Variants in KYNU observed in about 807,000 individuals in gnomAD.
The protein encoded by KYNU is L-kynurenine hydrolase.
Under a neutral mutation model 59.2 loss-of-function variants are expected in KYNU, and 54 were observed. The ratio of observed to expected loss-of-function variants is 0.91; its 90% CI spans 0.73 to 1.14. KYNU has a LOEUF of 1.14. Among genes scored for constraint, KYNU ranks in the 50% most tolerant of loss-of-function variants. The pLI is 0.00. For missense variants in KYNU, 567 were observed against 554.4 expected, an observed-to-expected ratio of 1.02 and a Z score of -0.23; for synonymous variants, 177 against 192.0, an observed-to-expected ratio of 0.92 and a Z score of 0.65.
At chr2:143,007,313 G>A (rs921550545) in intron 10 of KYNU, among the ~76,000 whole-genome samples, 4 of 150,520 alleles carry the variant, frequency 2.7e-5, no homozygotes, top group African/African-American at 7.5e-5. Flanking sequence ...ATCAGCGATG[G>A]AAGATGAAAT....
rs1424604721 is a variant in KYNU at position 143,010,136 on chromosome 2, T to C, written c.903-19491T>C. 2.8e-5 allele frequency among the ~76,000 whole-genome samples: 4 copies of C among 140,936 alleles called. 1 individual carries two copies. Among genetic ancestry groups the C allele is most frequent in the Non-Finnish European group, 3.0e-5 (2 of 65,954 alleles). The allele number at this position is 140,936 out of a possible 152,430, so 92.5% of individuals were successfully genotyped here. On this transcript the variant is annotated intron_variant, in intron 10 of 13. Transcript: ENST00000264170. Reference sequence around the variant, plus strand: ...AAGTCAAATTGTCCCTGTTTGCAGATGACATGATTCTATATCTAGAAAACC... The same window carrying C: ...AAGTCAAATTGTCCCTGTTTGCAGACGACATGATTCTATATCTAGAAAACC...
intron 2 of KYNU, among the ~76,000 whole-genome samples, chr2:142,891,963 A>C (rs1179069189): frequency 1.3e-5 from 2 of 151,622 alleles, no homozygotes; most frequent in Non-Finnish European, 2.9e-5. Context: ...CCCAGGCTGG[A>C]GTGTAGTGGT....
chr2:142,953,453 C>T (rs1684059410), intron 4 of KYNU, among the ~76,000 whole-genome samples: 1 of 152,106 alleles, frequency 6.6e-6, no homozygotes, highest in African/African-American at 2.4e-5. Context: ...CTTTAGCCTC[C>T]ACAATAATGT....
chr2:142,888,694 G>C (rs905383513), intron 2 of KYNU, among the ~76,000 whole-genome samples: 1 of 151,742 alleles, frequency 6.6e-6, no homozygotes, highest in Non-Finnish European at 1.5e-5. Context: ...GTATCCTAGA[G>C]TTGGGTCAAT....
At chr2:142,988,365 T>G (rs1243095237) in intron 10 of KYNU, among the ~76,000 whole-genome samples, 1 of 151,904 alleles carries the variant, frequency 6.6e-6, no homozygotes, top group Non-Finnish European at 1.5e-5. Context: ...TGTGACTTTG[T>G]AGGACATTAG....
At chr2:142,967,425 G>T (rs1362668615) in intron 8 of KYNU, 1 of 151,714 alleles carries the variant, frequency 6.6e-6, no homozygotes, top group Non-Finnish European at 1.5e-5. Flanking sequence ...GCTTTGTTTG[G>T]GTGCAAACGT....
intron 8 of KYNU, among the ~76,000 whole-genome samples, chr2:142,983,505 T>C (rs1685106674): frequency 6.6e-6 from 1 of 152,064 alleles, no homozygotes; most frequent in African/African-American, 2.4e-5. Flanking sequence ...TGATAGAATT[T>C]ATAACAGTGT....
At chr2:143,018,926 T>C (rs1426625659) in intron 10 of KYNU, among the ~76,000 whole-genome samples, 6 of 152,142 alleles carry the variant, frequency 3.9e-5, no homozygotes, top group Non-Finnish European at 7.4e-5. Context: ...ATTGATTTTG[T>C]TCTCAGCTTG....
chr2:143,021,883 T>A (rs1005062918), intron 10 of KYNU, among the ~76,000 whole-genome samples: 2 of 152,186 alleles, frequency 1.3e-5, no homozygotes, highest in African/African-American at 4.8e-5. Context: ...ATTTTCTTAA[T>A]ATTGAATATT....
intron 8 of KYNU, among the ~76,000 whole-genome samples, chr2:142,962,207 A>G (rs1414574423): frequency 6.6e-6 from 1 of 152,224 alleles, no homozygotes; most frequent in Non-Finnish European, 1.5e-5. Flanking sequence ...CCTAGACATG[A>G]GACAGCAAGA....
intron 8 of KYNU, among the ~76,000 whole-genome samples, chr2:142,967,983 C>A (rs967853002): frequency 6.6e-6 from 1 of 152,124 alleles, no homozygotes; most frequent in Non-Finnish European, 1.5e-5. Context: ...AAATTAACCT[C>A]TTTCATAAAA....
At chr2:142,972,791 C>CATATATATATATAT (rs72267912) in intron 8 of KYNU, among the ~76,000 whole-genome samples, 1 of 135,336 alleles carries the variant, frequency 7.4e-6, no homozygotes, top group Non-Finnish European at 1.6e-5. Flanking sequence ...AGACAGAGGC[C>CATATATATATATAT]ATATATATAT....
chr2:142,988,694 G>T (rs1662378690), intron 10 of KYNU: 2 of 696,384 alleles, frequency 2.9e-6, no homozygotes, highest in South Asian at 3.2e-5. Flanking sequence ...CCACGTTAAG[G>T]AAAACCTTGG....
rs1425195618 is a variant in KYNU, at chr2:143,040,415, T to A, written c.1042-13T>A. ...AATAAGACACTTTAATCTGATTGTT[T>A]CTCATTCCACAGATCTTTAAGCAAG... is the stretch of plus-strand genomic sequence containing the variant. On this transcript the variant is annotated splice_polypyrimidine_tract_variant and intron_variant, in intron 12 of 13. Transcript: ENST00000264170. 6.3e-7 allele frequency: 1 copy of A among 1,595,056 alleles called. No individual in the cohort carries two copies. Among genetic ancestry groups the A allele is most frequent in the African/African-American group, 1.3e-5 (1 of 74,632 alleles).
intron 5 of KYNU, 121 bp from the exon 6 acceptor site, chr2:142,956,082 A>C: frequency 1.6e-6 from 1 of 615,464 alleles, no homozygotes; most frequent in Non-Finnish European, 2.9e-6. Context: ...CAAACACTTA[A>C]GATGTTGAGT....
intron 10 of KYNU, among the ~76,000 whole-genome samples, chr2:143,001,889 A>C (rs1573888065): frequency 6.6e-6 from 1 of 152,210 alleles, no homozygotes; most frequent in Non-Finnish European, 1.5e-5. Flanking sequence ...CTTAGTTTCC[A>C]TCCATTTTTC....
intron 2 of KYNU, among the ~76,000 whole-genome samples, chr2:142,891,289 C>G (rs773326973): frequency 2.0e-5 from 3 of 152,000 alleles, no homozygotes; most frequent in Non-Finnish European, 4.4e-5. Context: ...TTATCTCTAG[C>G]CTAGGCAAAC....
chr2:143,018,835 A>C (rs1239816925), intron 10 of KYNU, among the ~76,000 whole-genome samples: 2 of 152,090 alleles, frequency 1.3e-5, no homozygotes, highest in Non-Finnish European at 2.9e-5. Flanking sequence ...CCTTGTAAAG[A>C]TCATTCACTT....
intron 10 of KYNU, among the ~76,000 whole-genome samples, chr2:142,999,495 T>C (rs1016990366): frequency 1.1e-4 from 17 of 152,174 alleles, no homozygotes; most frequent in African/African-American, 3.9e-4. Flanking sequence ...TTGATTATTT[T>C]TATAAGACCT....
Sources: allele counts gnomAD v4.1 joint callset (sites outside exome capture counted in the v4.1 genomes callset), GRCh38; gene constraint gnomAD v4.1.1; transcripts MANE v1.5; gene names NCBI Gene and HGNC (gene_info 2026-07-23, HGNC 2026-07-21).